RFTN2: variants seen among roughly 807,000 people sequenced by gnomAD.
RFTN2 encodes raftlin family member 2, also known as raftlin-2.
Under a neutral mutation model 52.7 loss-of-function variants are expected in RFTN2, and 34 were observed. The observed-to-expected ratio is 0.64, with a 90% CI of 0.49 to 0.86. The LOEUF (loss-of-function observed/expected upper bound fraction) is 0.86. RFTN2 is among the 40% of genes least tolerant of loss of function. The pLI, the probability that RFTN2 is intolerant of heterozygous loss-of-function variation, is 0.00. For synonymous variants in RFTN2, 203 were observed against 217.7 expected (o/e 0.93, Z 0.59); for missense variants, 536 against 600.1 (o/e 0.89, Z 1.12).
At chr2:197,651,365 T>A in intron 1 of RFTN2, among the ~76,000 whole-genome samples, 1 of 152,198 alleles carries the variant, frequency 6.6e-6, no homozygotes, top group East Asian at 1.9e-4. Flanking sequence ...ACGCCCGTAA[T>A]CCCAGCAATT....
intron 2 of RFTN2, 38 bp downstream of exon 2, chr2:197,646,445 T>C: frequency 6.5e-7 from 1 of 1,542,728 alleles, no homozygotes; most frequent in Non-Finnish European, 8.8e-7. Context: ...AAGAGAACTG[T>C]CACCCTCACC....
chr2:197,639,877 A>C (rs1373441352), intron 3 of RFTN2, among the ~76,000 whole-genome samples: 5 of 144,266 alleles, frequency 3.5e-5, no homozygotes, highest in Non-Finnish European at 7.6e-5. Context: ...GGTTTTATCT[A>C]CTTTTGGTCT....
At chr2:197,620,753 G>T (rs1310343575) in intron 5 of RFTN2, among the ~76,000 whole-genome samples, 1 of 152,162 alleles carries the variant, frequency 6.6e-6, no homozygotes, top group African/African-American at 2.4e-5. Flanking sequence ...GATCACCTGC[G>T]GTAGGGAGTT....
rs200810538 is a variant in RFTN2, at chr2:197,640,455, C to T, written c.438+3703G>A. Among the ~76,000 whole-genome samples the T allele has an allele frequency of 5.1e-4, 77 of 152,348 alleles. No homozygotes were observed. In the East Asian group the frequency reaches 0.013, roughly 26 times the overall value. On this transcript the variant is annotated intron_variant, in intron 3 of 8. Coordinates refer to ENST00000295049, the MANE Select transcript of RFTN2 (RefSeq NM_144629.3). ...TCTCGTGGTGCGCCGTTTTTTAAGC[C>T]GGTCCGAAAAGCGCAATATTCGGGT...
intron 8 of RFTN2, among the ~76,000 whole-genome samples, chr2:197,591,872 C>T (rs1350220525): frequency 2.0e-5 from 3 of 152,132 alleles, no homozygotes; most frequent in South Asian, 2.1e-4. Context: ...ATCTGGAACT[C>T]GCCCTGGCTT....
chr2:197,614,141 C>G (rs775490598), intron 7 of RFTN2, among the ~76,000 whole-genome samples: 1 of 152,204 alleles, frequency 6.6e-6, no homozygotes, highest in Non-Finnish European at 1.5e-5. Context: ...ATGTAAGTCC[C>G]TTGTTTTGTA....
chr2:197,580,993 C>T (rs999196457), intron 8 of RFTN2, among the ~76,000 whole-genome samples: 5 of 152,116 alleles, frequency 3.3e-5, no homozygotes, highest in Non-Finnish European at 7.4e-5. Context: ...TCGCATCCCC[C>T]CAACTTAACC....
chr2:197,628,061 C>G (rs1395808021), intron 5 of RFTN2, among the ~76,000 whole-genome samples: 1 of 152,056 alleles, frequency 6.6e-6, no homozygotes, highest in African/African-American at 2.4e-5. Context: ...TCTGCCCCCA[C>G]CACCCTCCCC....
rs552835318 is a variant in RFTN2 at position 197,600,935 on chromosome 2, T to C, written c.1155-4866A>G. On this transcript the variant is annotated intron_variant, in intron 7 of 8. Transcript: ENST00000295049. ...ATTCTGAAAAAGTTCTAGTACAAAC[T>C]GTTTTGGTGACAAGTATAGAGAACA... Among the ~76,000 whole-genome samples, 10 of 152,320 alleles carry C rather than the reference T, an allele frequency of 6.6e-5. No homozygotes were observed. In the East Asian group the frequency reaches 1.9e-3, roughly 29 times the overall value.
At chr2:197,637,718 T>C (rs1223867037) in intron 3 of RFTN2, among the ~76,000 whole-genome samples, 1 of 150,064 alleles carries the variant, frequency 6.7e-6, no homozygotes, top group Non-Finnish European at 1.5e-5. Context: ...TTTTGAAGGG[T>C]TTTTTGTGTC....
intron 1 of RFTN2, among the ~76,000 whole-genome samples, chr2:197,674,665 C>T (rs2089192510): frequency 6.6e-6 from 1 of 152,094 alleles, no homozygotes; most frequent in Admixed American, 6.6e-5. Flanking sequence ...GAAATCGAGC[C>T]ACCTCGATTC....
chr2:197,647,316 G>A (rs963736618), intron 1 of RFTN2, among the ~76,000 whole-genome samples: 1 of 151,740 alleles, frequency 6.6e-6, no homozygotes, highest in Non-Finnish European at 1.5e-5. Context: ...CCCACCTCCC[G>A]GGCTCACACA....
chr2:197,623,985 G>C (rs1302645529), intron 5 of RFTN2, among the ~76,000 whole-genome samples: 2 of 152,030 alleles, frequency 1.3e-5, no homozygotes, highest in East Asian at 3.9e-4. Context: ...TTTCAGTAGA[G>C]ATAGGGTTTC....
rs1416189791 is a variant in RFTN2 at position 197,571,411 on chromosome 2, C to T, written c.*597G>A. ...ATCAGTACAGGGTTGGTGACATGAC[C>T]CTTTAAAAGCAAAGATACATAAAAA... On this transcript the variant is annotated 3_prime_UTR_variant, in exon 9 of 9. Coordinates refer to ENST00000295049, the MANE Select transcript of RFTN2 (RefSeq NM_144629.3). The T allele has an allele frequency of 6.5e-6, 1 of 153,310 alleles. No individual in the cohort carries two copies. Among genetic ancestry groups the T allele is most frequent in the Non-Finnish European group, 1.5e-5 (1 of 68,656 alleles). The allele number at this position is 153,310 out of a possible 1,614,324, so 9.5% of individuals were successfully genotyped here. A position where few individuals can be genotyped will look rare whatever the true frequency, so the allele number is the denominator to read the frequency against.
At chr2:197,660,767 C>T (rs944780824) in intron 1 of RFTN2, among the ~76,000 whole-genome samples, 3 of 151,906 alleles carry the variant, frequency 2.0e-5, no homozygotes, top group Admixed American at 1.3e-4. Context: ...CCATGTTGAC[C>T]AGGCTGGTCT....
intron 7 of RFTN2, among the ~76,000 whole-genome samples, chr2:197,614,139 C>T (rs1396707671): frequency 6.6e-6 from 1 of 152,176 alleles, no homozygotes; most frequent in Non-Finnish European, 1.5e-5. Context: ...GAATGTAAGT[C>T]CCTTGTTTTG....
chr2:197,587,890 A>C (rs1368012205), intron 8 of RFTN2: 3 of 418,304 alleles, frequency 7.2e-6, no homozygotes, highest in Non-Finnish European at 1.4e-5. Context: ...TATCTACTTC[A>C]GTCCCCTTAT....
intron 5 of RFTN2, among the ~76,000 whole-genome samples, chr2:197,623,988 A>G (rs2088310312): frequency 6.6e-6 from 1 of 151,980 alleles, no homozygotes; most frequent in South Asian, 2.1e-4. Context: ...CAGTAGAGAT[A>G]GGGTTTCACC....
At chr2:197,580,124 T>C (rs1462281352) in intron 8 of RFTN2, among the ~76,000 whole-genome samples, 1 of 151,958 alleles carries the variant, frequency 6.6e-6, no homozygotes, top group Non-Finnish European at 1.5e-5. Context: ...CAAAAAGCCA[T>C]ATTATTCTCA....
Sources: gnomAD v4.1 joint callset for allele counts (sites outside exome capture counted in the v4.1 genomes callset) on GRCh38, gnomAD v4.1.1 for gene constraint, MANE v1.5 for transcripts, NCBI Gene and HGNC (gene_info 2026-07-23, HGNC 2026-07-21) for gene names.